The following LRRN2 variants were observed in gnomAD, a reference collection of about 807,000 sequenced individuals.
LRRN2 encodes leucine rich repeat neuronal 2.
In LRRN2, 10 loss-of-function variants were observed where a neutral mutation model predicts 35.7. That is an observed-to-expected ratio of 0.28 (90% CI 0.17 to 0.47). LRRN2 has a LOEUF of 0.47. Among genes scored for constraint, LRRN2 ranks in the 20% least tolerant of loss-of-function variants. The pLI is 0.99. For synonymous variants in LRRN2, 391 were observed against 409.6 expected (o/e 0.95, Z 0.55); for missense variants, 731 against 940.3 (o/e 0.78, Z 2.91).
At chr1:204,655,872 C>T (rs559830905) in intron 1 of LRRN2, among the ~76,000 whole-genome samples, 55 of 152,292 alleles carry the variant, frequency 3.6e-4, no homozygotes, top group African/African-American at 1.1e-3. Context: ...CAGAGCTCCA[C>T]GCTCCATATC....
At chr1:204,631,957 C>T (rs1667715716) in intron 1 of LRRN2, among the ~76,000 whole-genome samples, 1 of 152,228 alleles carries the variant, frequency 6.6e-6, no homozygotes, top group Non-Finnish European at 1.5e-5. Flanking sequence ...GGAGCAGTGG[C>T]TCATGCCTGT....
At chr1:204,622,734 A>G (rs1667002912) in intron 1 of LRRN2, among the ~76,000 whole-genome samples, 1 of 152,120 alleles carries the variant, frequency 6.6e-6, no homozygotes, top group Admixed American at 6.5e-5. Context: ...ATCCTGCCAC[A>G]CTTACATACC....
chr1:204,637,645 CGTGTGTGTGTGTGTGTGTGT>C (rs67761829), intron 1 of LRRN2, among the ~76,000 whole-genome samples: 148 of 130,024 alleles, frequency 1.1e-3, no homozygotes, highest in African/African-American at 3.9e-3. Flanking sequence ...CAGCACGTGA[CGTGTGTGTGTGTGTGTGTGT>C]GTGTGTGTGT....
chr1:204,624,564 C>T (rs1404891145), intron 1 of LRRN2, among the ~76,000 whole-genome samples: 1 of 152,178 alleles, frequency 6.6e-6, no homozygotes, highest in Non-Finnish European at 1.5e-5. Flanking sequence ...TCCACAATGC[C>T]CCTGATTAAA....
At chr1:204,631,139 C>G (rs1429556840) in intron 1 of LRRN2, among the ~76,000 whole-genome samples, 1 of 149,988 alleles carries the variant, frequency 6.7e-6, no homozygotes, top group Non-Finnish European at 1.5e-5. Flanking sequence ...TGAACAAGCT[C>G]TGCAGGTGGT....
intron 1 of LRRN2, among the ~76,000 whole-genome samples, chr1:204,631,294 ATATATATATG>A (rs1667696444): frequency 1.9e-5 from 2 of 107,514 alleles, no homozygotes; most frequent in Admixed American, 9.2e-5. Flanking sequence ...ATATATATAT[ATATATATATG>A]AAGAGCTGCT....
intron 1 of LRRN2, among the ~76,000 whole-genome samples, chr1:204,677,515 A>G (rs1355950448): frequency 6.6e-6 from 1 of 152,174 alleles, no homozygotes; most frequent in East Asian, 1.9e-4. Context: ...CCAGTTCACA[A>G]TATCTGAAAC....
chr1:204,639,231 C>A (rs1175780784), intron 1 of LRRN2, among the ~76,000 whole-genome samples: 1 of 152,262 alleles, frequency 6.6e-6, no homozygotes, highest in Non-Finnish European at 1.5e-5. Context: ...TACAAAGATT[C>A]ATTGAGCCCA....
At chr1:204,657,240 G>A (rs3923041) in intron 1 of LRRN2, among the ~76,000 whole-genome samples, 61,697 of 151,654 alleles carry the variant, frequency 0.41, 13,832 homozygotes, top group Admixed American at 0.51. Context: ...GGGAGGCGGA[G>A]GTTGCAGTGA....
At chr1:204,647,173 G>T (rs1320108109) in intron 1 of LRRN2, among the ~76,000 whole-genome samples, 2 of 146,514 alleles carry the variant, frequency 1.4e-5, no homozygotes, top group East Asian at 4.0e-4. Context: ...AAAAAAAAAG[G>T]CTAGAAAGTT....
chr1:204,662,903 T>A (rs1356672853), intron 1 of LRRN2, among the ~76,000 whole-genome samples: 1 of 152,100 alleles, frequency 6.6e-6, no homozygotes, highest in African/African-American at 2.4e-5. Flanking sequence ...TCCTTTCTGT[T>A]CTCAGGATGG....
chr1:204,634,962 G>A (rs555323924), intron 1 of LRRN2, among the ~76,000 whole-genome samples: 1 of 152,312 alleles, frequency 6.6e-6, no homozygotes, highest in South Asian at 2.1e-4. Flanking sequence ...GAAAATATGA[G>A]TGTGAAATAT....
At chr1:204,682,794 G>C (rs577767298) in intron 1 of LRRN2, 313 of 152,338 alleles carry the variant, frequency 2.1e-3, no homozygotes, top group African/African-American at 7.3e-3. Flanking sequence ...CCTAAGGACA[G>C]GATGACTTAA....
intron 1 of LRRN2, among the ~76,000 whole-genome samples, chr1:204,645,791 CA>C (rs1218824592): frequency 6.6e-6 from 1 of 152,092 alleles, no homozygotes; most frequent in Non-Finnish European, 1.5e-5. Context: ...TGAGTGCAAG[CA>C]GGGGAAATGC....
intron 1 of LRRN2, among the ~76,000 whole-genome samples, chr1:204,677,906 C>T (rs1234916534): frequency 6.6e-6 from 1 of 152,092 alleles, no homozygotes; most frequent in Non-Finnish European, 1.5e-5. Flanking sequence ...GACAGAAGAC[C>T]CTGCCCTTGC....
rs1666576012 is a variant in LRRN2 at position 204,618,592 on chromosome 1, A to C, written c.1401T>G (p.Pro467=). Residue 467 remains proline, a synonymous_variant, in exon 2 of 2, where the codon CCT becomes CCG. Coordinates refer to ENST00000367177, the MANE Select transcript of LRRN2 (RefSeq NM_201630.2). ...WVTPAGLRLT[P]AHAGRRYRVY... is the part of the protein sequence containing the mutation. ...CCCGGTACCTCCTGCCTGCATGGGC[A>C]GGTGTCAGTCGAAGCCCAGCTGGAG... is the stretch of plus-strand genomic sequence containing the variant. 1.2e-6 allele frequency: 2 copies of C among 1,613,960 alleles called. No homozygotes were observed. Among genetic ancestry groups the C allele is most frequent in the East Asian group, 4.5e-5 (2 of 44,872 alleles).
chr1:204,631,254 TTCTATATATA>T (rs1667685111), intron 1 of LRRN2, among the ~76,000 whole-genome samples: 2 of 9,910 alleles, frequency 2.0e-4, no homozygotes, highest in African/African-American at 5.1e-4. Context: ...ACCTAGAGTG[TTCTATATATA>T]TATATATATA....
intron 1 of LRRN2, among the ~76,000 whole-genome samples, chr1:204,679,460 A>T (rs1668891934): frequency 6.6e-6 from 1 of 152,218 alleles, no homozygotes; most frequent in Non-Finnish European, 1.5e-5. Context: ...CCCTGAAAAG[A>T]TCAGATAGGA....
rs58051175 is a variant in LRRN2, at chr1:204,648,623, C to A, written c.-226-28405G>T. On this transcript the variant is annotated intron_variant, in intron 1 of 1. Coordinates refer to ENST00000367177, the MANE Select transcript of LRRN2 (RefSeq NM_201630.2). ...CCACACAGTTGGTCTTCTAGCCTCG[C>A]CCCCCCACCCAACCTACTTTTTGGT... 2.3e-3 allele frequency among the ~76,000 whole-genome samples: 351 copies of A among 152,028 alleles called. 5 individuals are homozygous for A. Among genetic ancestry groups the A allele is most frequent in the South Asian group, 0.022 (107 of 4,812 alleles).
Sources: allele counts gnomAD v4.1 joint callset (sites outside exome capture counted in the v4.1 genomes callset), GRCh38; gene constraint gnomAD v4.1.1; transcripts MANE v1.5; gene names NCBI Gene and HGNC (gene_info 2026-07-23, HGNC 2026-07-21).